SNAP91: variants seen among roughly 807,000 people sequenced by gnomAD.
The protein encoded by SNAP91 is clathrin coat assembly protein AP180.
In SNAP91, 27 loss-of-function variants were observed where a neutral mutation model predicts 100.3. The ratio of observed to expected loss-of-function variants is 0.27; its 90% CI spans 0.20 to 0.37. SNAP91 has a LOEUF of 0.37. Ranked by LOEUF, SNAP91 falls within the 10% of genes least tolerant of loss-of-function variation. The pLI is 1.00. For synonymous variants in SNAP91, 404 were observed against 398.6 expected (o/e 1.01, Z -0.16); for missense variants, 986 against 1,123.7 (o/e 0.88, Z 1.75).
intron 2 of SNAP91, among the ~76,000 whole-genome samples, chr6:83,685,626 T>C (rs1043130434): frequency 6.6e-6 from 1 of 152,200 alleles, no homozygotes; most frequent in Non-Finnish European, 1.5e-5. Context: ...AACTTCTTCA[T>C]GTCTTCAACT....
intron 10 of SNAP91, among the ~76,000 whole-genome samples, chr6:83,616,463 T>A (rs1458248885): frequency 4.6e-5 from 7 of 152,176 alleles, no homozygotes; most frequent in African/African-American, 7.2e-5. Flanking sequence ...TGATTGCTAT[T>A]CTCTATATAA....
intron 2 of SNAP91, among the ~76,000 whole-genome samples, chr6:83,694,203 G>T (rs1011190370): frequency 6.6e-6 from 1 of 152,186 alleles, no homozygotes; most frequent in Non-Finnish European, 1.5e-5. Flanking sequence ...TTCATCTCCA[G>T]CATTTCCTGC....
intron 8 of SNAP91, among the ~76,000 whole-genome samples, chr6:83,631,857 G>A (rs1409226095): frequency 6.6e-6 from 1 of 152,072 alleles, no homozygotes; most frequent in South Asian, 2.1e-4. Flanking sequence ...GAGATGTGAG[G>A]TACCATTCCA....
chr6:83,633,142 T>C (rs2128485673), intron 8 of SNAP91, among the ~76,000 whole-genome samples: 1 of 152,236 alleles, frequency 6.6e-6, no homozygotes, highest in Middle Eastern at 3.4e-3. Flanking sequence ...GCTGTAGTGA[T>C]TGTTATCTCT....
chr6:83,695,926 G>A (rs1308823452), intron 2 of SNAP91, among the ~76,000 whole-genome samples: 2 of 133,558 alleles, frequency 1.5e-5, no homozygotes, highest in East Asian at 5.2e-4. Flanking sequence ...ACAATAATGA[G>A]AATTATTGTG....
intron 16 of SNAP91, 55 bp from the exon 17 acceptor site, chr6:83,594,536 T>C: frequency 1.8e-6 from 2 of 1,095,948 alleles, no homozygotes; most frequent in South Asian, 1.8e-5. Flanking sequence ...GAGAAGAAAA[T>C]ACAGTAAAAG....
At chr6:83,701,062 G>T (rs188355846) in intron 2 of SNAP91, among the ~76,000 whole-genome samples, 14 of 152,202 alleles carry the variant, frequency 9.2e-5, no homozygotes, top group African/African-American at 3.4e-4. Flanking sequence ...TTTAAAGAGG[G>T]GTACAGTTGT....
At chr6:83,575,429 A>G in intron 25 of SNAP91, 1 of 366,164 alleles carries the variant, frequency 2.7e-6, no homozygotes, top group Non-Finnish European at 5.0e-6. Flanking sequence ...AAAAATGCAA[A>G]TAAATATATC....
chr6:83,658,904 G>A, intron 6 of SNAP91, 95 bp downstream of exon 6: 1 of 887,408 alleles, frequency 1.1e-6, no homozygotes, highest in South Asian at 1.6e-5. Context: ...ATCTATAGCT[G>A]CTTCCCGAGG....
At chr6:83,656,713 G>T in intron 7 of SNAP91, 41 bp downstream of exon 7, 1 of 876,394 alleles carries the variant, frequency 1.1e-6, no homozygotes, top group Non-Finnish European at 1.8e-6. Flanking sequence ...ATCTTACTGT[G>T]TATCCCATCA....
intron 9 of SNAP91, among the ~76,000 whole-genome samples, chr6:83,617,657 T>C (rs937642839): frequency 4.0e-5 from 6 of 151,736 alleles, no homozygotes; most frequent in Admixed American, 1.3e-4. Flanking sequence ...ATCAGAGCAC[T>C]GTGTATTGGC....
chr6:83,561,425 C>G (rs1026945356), intron 26 of SNAP91, among the ~76,000 whole-genome samples: 4 of 152,162 alleles, frequency 2.6e-5, no homozygotes, highest in Non-Finnish European at 5.9e-5. Context: ...TAAAGAAAAT[C>G]TCAAATTTCA....
At chr6:83,687,092 G>A (rs2099070513) in intron 2 of SNAP91, among the ~76,000 whole-genome samples, 1 of 152,288 alleles carries the variant, frequency 6.6e-6, no homozygotes, top group African/African-American at 2.4e-5. Flanking sequence ...GGTACCCTAT[G>A]CTTCATGCAA....
At chr6:83,648,913 C>T (rs1325148858) in intron 7 of SNAP91, among the ~76,000 whole-genome samples, 2 of 152,116 alleles carry the variant, frequency 1.3e-5, no homozygotes, top group East Asian at 1.9e-4. Context: ...TTAATGATGT[C>T]TTTTGAGGAG....
chr6:83,623,109 G>T (rs1456200027), intron 9 of SNAP91, among the ~76,000 whole-genome samples, 192 bp downstream of exon 9: 1 of 152,040 alleles, frequency 6.6e-6, no homozygotes, highest in Admixed American at 6.5e-5. Context: ...ATAAGAACAA[G>T]AAAATCTTCC....
intron 8 of SNAP91, among the ~76,000 whole-genome samples, chr6:83,632,403 T>C (rs1268836315): frequency 6.6e-6 from 1 of 152,200 alleles, no homozygotes; most frequent in African/African-American, 2.4e-5. Flanking sequence ...TCCCTGATGT[T>C]CTTTGTGCTT....
intron 2 of SNAP91, among the ~76,000 whole-genome samples, chr6:83,675,928 C>T (rs2098875537): frequency 6.6e-6 from 1 of 150,986 alleles, no homozygotes; most frequent in Admixed American, 6.6e-5. Flanking sequence ...AGGAAGATTG[C>T]TTGAGGCCAG....
At chr6:83,647,598 G>A (rs186773197) in intron 7 of SNAP91, among the ~76,000 whole-genome samples, 4 of 152,054 alleles carry the variant, frequency 2.6e-5, no homozygotes, top group Admixed American at 2.0e-4. Context: ...ATATTTCATC[G>A]AGGATTTTTC....
Position 83,559,127 on chromosome 6 carries a change from C to A in SNAP91, c.2631+977G>T, listed in dbSNP as rs563445407. ...TGTTATTCAAGGTGGGCTCTGGGAA[C>A]AACACCTGACAGTTTATGCTAACAA... On this transcript the variant is annotated intron_variant, in intron 28 of 29. Coordinates refer to ENST00000369694, the MANE Select transcript of SNAP91 (RefSeq NM_001242792.2). Among the ~76,000 whole-genome samples, 22 of 152,244 alleles carry A rather than the reference C, an allele frequency of 1.4e-4. 1 individual carries two copies. In the South Asian group the frequency reaches 4.6e-3, roughly 32 times the overall value.
Sources: gnomAD v4.1 joint callset for allele counts (sites outside exome capture counted in the v4.1 genomes callset) on GRCh38, gnomAD v4.1.1 for gene constraint, MANE v1.5 for transcripts, NCBI Gene and HGNC (gene_info 2026-07-23, HGNC 2026-07-21) for gene names.